PCDH9: variants seen among roughly 807,000 people sequenced by gnomAD.
PCDH9 encodes protocadherin-9.
PCDH9 carries 24 observed loss-of-function variants against 70.6 expected under a neutral mutation model. The observed-to-expected ratio is 0.34, with a 90% CI of 0.25 to 0.48. The LOEUF (loss-of-function observed/expected upper bound fraction) is 0.48, where lower values mean the gene tolerates loss of function less well. Ranked by LOEUF, PCDH9 falls within the 20% of genes least tolerant of loss-of-function variation. PCDH9 has a pLI of 0.99. For synonymous variants in PCDH9, 562 were observed against 558.5 expected, an observed-to-expected ratio of 1.01 and a Z score of -0.09; for missense variants, 1,281 against 1,503.6, an observed-to-expected ratio of 0.85 and a Z score of 2.45.
intron 2 of PCDH9, among the ~76,000 whole-genome samples, chr13:67,005,652 T>C (rs893004334): frequency 3.3e-5 from 5 of 152,214 alleles, no homozygotes; most frequent in Non-Finnish European, 5.9e-5. Context: ...ACCATAATAA[T>C]GGCAATGCAT....
At chr13:66,872,729 A>G (rs2081718750) in intron 3 of PCDH9, among the ~76,000 whole-genome samples, 1 of 152,156 alleles carries the variant, frequency 6.6e-6, no homozygotes, top group South Asian at 2.1e-4. Flanking sequence ...ATTCTGTGGG[A>G]TTCAACTTGC....
chr13:67,137,337 G>A (rs1299715055), intron 2 of PCDH9, among the ~76,000 whole-genome samples: 4 of 152,058 alleles, frequency 2.6e-5, no homozygotes, highest in African/African-American at 9.7e-5. Context: ...CATATCGTTT[G>A]TATGAAACCT....
intron 4 of PCDH9, among the ~76,000 whole-genome samples, chr13:66,369,901 C>T (rs1350150656): frequency 6.6e-6 from 1 of 151,960 alleles, no homozygotes; most frequent in East Asian, 1.9e-4. Context: ...ATGAACATTC[C>T]CCAGAAAGCA....
chr13:66,628,102 T>C (rs1193279525), intron 4 of PCDH9, among the ~76,000 whole-genome samples: 1 of 152,170 alleles, frequency 6.6e-6, no homozygotes, highest in Non-Finnish European at 1.5e-5. Flanking sequence ...TTGGTAAAAA[T>C]TATTTTCTAG....
At chr13:66,864,506 T>A (rs989297485) in intron 3 of PCDH9, among the ~76,000 whole-genome samples, 1 of 152,220 alleles carries the variant, frequency 6.6e-6, no homozygotes, top group South Asian at 2.1e-4. Flanking sequence ...TGATTGTGGA[T>A]GATTTACTCT....
intron 3 of PCDH9, among the ~76,000 whole-genome samples, chr13:66,653,973 T>TAAAAAAAAAAAAA (rs59143528): frequency 5.5e-5 from 7 of 128,390 alleles, no homozygotes; most frequent in Non-Finnish European, 9.6e-5. Flanking sequence ...GTCTCAAAAT[T>TAAAAAAAAAAAAA]AAAAAAAAAA....
At chr13:66,470,246 A>G (rs115358639) in intron 4 of PCDH9, among the ~76,000 whole-genome samples, 1 of 152,304 alleles carries the variant, frequency 6.6e-6, no homozygotes, top group African/African-American at 2.4e-5. Flanking sequence ...AAGAGAAAAT[A>G]ACAAGAAAAT....
intron 2 of PCDH9, among the ~76,000 whole-genome samples, chr13:67,059,291 T>A (rs1319210827): frequency 6.7e-6 from 1 of 149,748 alleles, no homozygotes; most frequent in Non-Finnish European, 1.5e-5. Context: ...ATCTCGTGAA[T>A]CTGACATTTC....
At chr13:66,594,430 A>G (rs2077076600) in intron 4 of PCDH9, among the ~76,000 whole-genome samples, 1 of 151,654 alleles carries the variant, frequency 6.6e-6, no homozygotes, top group Admixed American at 6.6e-5. Flanking sequence ...ATAATTGACT[A>G]TGATAGCCAA....
chr13:66,531,942 T>G (rs1378372018), intron 4 of PCDH9, among the ~76,000 whole-genome samples: 5 of 152,106 alleles, frequency 3.3e-5, no homozygotes, highest in Non-Finnish European at 7.3e-5. Flanking sequence ...TCTATACATC[T>G]CTAATTGCTG....
chr13:66,586,903 T>C (rs2076970018), intron 4 of PCDH9, among the ~76,000 whole-genome samples: 1 of 152,110 alleles, frequency 6.6e-6, no homozygotes, highest in African/African-American at 2.4e-5. Context: ...CTTTTGTTGT[T>C]GTAAAAGTAA....
intron 2 of PCDH9, chr13:67,214,614 A>G (rs1002751442): frequency 6.6e-6 from 1 of 152,096 alleles, no homozygotes; most frequent in Non-Finnish European, 1.5e-5. Flanking sequence ...AGACGAAGCA[A>G]TTATACAAAT....
intron 2 of PCDH9, among the ~76,000 whole-genome samples, chr13:67,142,103 C>T (rs2087407554): frequency 6.6e-6 from 1 of 152,002 alleles, no homozygotes; most frequent in South Asian, 2.1e-4. Flanking sequence ...ATATGAGAAC[C>T]TGAGGAAACA....
chr13:67,132,081 G>A (rs1335028334), intron 2 of PCDH9, among the ~76,000 whole-genome samples: 5 of 152,126 alleles, frequency 3.3e-5, no homozygotes, highest in African/African-American at 7.2e-5. Flanking sequence ...CAAGTGTCTA[G>A]TCTGGCTTAA....
intron 3 of PCDH9, among the ~76,000 whole-genome samples, chr13:66,824,727 C>T (rs1012225060): frequency 7.1e-5 from 10 of 141,600 alleles, no homozygotes; most frequent in African/African-American, 1.9e-4. Flanking sequence ...TACACACACA[C>T]ATATATATAT....
chr13:66,394,290 A>G (rs1328719834), intron 4 of PCDH9, among the ~76,000 whole-genome samples: 4 of 152,210 alleles, frequency 2.6e-5, no homozygotes, highest in African/African-American at 4.8e-5. Context: ...TTTAAGAAAT[A>G]TCAGCATCTA....
At chr13:66,561,660 C>G (rs373718359) in intron 4 of PCDH9, among the ~76,000 whole-genome samples, 2 of 152,038 alleles carry the variant, frequency 1.3e-5, no homozygotes, top group Non-Finnish European at 2.9e-5. Context: ...CTCTGGTGGG[C>G]ACTTGGAGAA....
At chr13:66,935,086 C>T (rs975799145) in intron 2 of PCDH9, among the ~76,000 whole-genome samples, 3 of 151,516 alleles carry the variant, frequency 2.0e-5, no homozygotes, top group South Asian at 2.1e-4. Flanking sequence ...TTTTTGGAGA[C>T]GGGGTCTCAA....
intron 3 of PCDH9, among the ~76,000 whole-genome samples, chr13:66,827,713 G>A (rs2080850122): frequency 6.6e-6 from 1 of 152,202 alleles, no homozygotes; most frequent in African/African-American, 2.4e-5. Context: ...TTGACAGCTG[G>A]TGGAAAGAAA....
Sources: gnomAD v4.1 joint callset for allele counts (sites outside exome capture counted in the v4.1 genomes callset) on GRCh38, gnomAD v4.1.1 for gene constraint, MANE v1.5 for transcripts, NCBI Gene and HGNC (gene_info 2026-07-23, HGNC 2026-07-21) for gene names.